Variants in RALB observed in about 807,000 individuals in gnomAD.
RALB encodes the protein RAS like proto-oncogene B.
RALB carries 16 observed loss-of-function variants against 21.3 expected under a neutral mutation model. That is an observed-to-expected ratio of 0.75 (90% CI 0.51 to 1.14). The LOEUF (loss-of-function observed/expected upper bound fraction) is 1.14. RALB is among the 50% of genes most tolerant of loss of function. RALB has a pLI of 0.00. For missense variants in RALB, 161 were observed against 256.2 expected (o/e 0.63, Z 2.54); for synonymous variants, 93 against 96.1 (o/e 0.97, Z 0.19).
chr2:120,251,059 G>A (rs933065356), upstream of RALB, among the ~76,000 whole-genome samples: 15 of 152,216 alleles, frequency 9.9e-5, no homozygotes, highest in African/African-American at 3.6e-4. Context: ...AGAAAAGGTG[G>A]GGAAACCTCC....
At chr2:120,253,527 C>T (rs768522969) in intron 1 of RALB, 2 of 985,468 alleles carry the variant, frequency 2.0e-6, no homozygotes, top group Non-Finnish European at 2.4e-6. Flanking sequence ...TGATAGGGGC[C>T]AGCGGCGAAG....
chr2:120,272,105 G>A (rs557826848), intron 1 of RALB, among the ~76,000 whole-genome samples: 80 of 152,292 alleles, frequency 5.3e-4, no homozygotes, highest in African/African-American at 1.9e-3. Context: ...GCACCAGCAT[G>A]GTTGGGTTCT....
intron 1 of RALB, among the ~76,000 whole-genome samples, chr2:120,277,825 G>A (rs563606323): frequency 1.4e-5 from 2 of 142,990 alleles, no homozygotes; most frequent in African/African-American, 5.3e-5. Context: ...GAGCAAGTGT[G>A]TGAATATGTG....
rs758735324 is a variant in RALB, at chr2:120,286,112, C to T, written c.323+30C>T. The T allele has an allele frequency of 1.9e-6, 3 of 1,604,374 alleles. No homozygotes were observed. The African/African-American group carries it at 4.0e-5, about 22-fold the overall frequency. ...GTCTGAAATGAAATAGCAGAAGCCC[C>T]CAGGAAGCTTTTTGCCTTTTCTCAT... On this transcript the variant is annotated intron_variant, in intron 3 of 4. Transcript: ENST00000272519.
intron 1 of RALB, among the ~76,000 whole-genome samples, chr2:120,262,207 G>A (rs72956876): frequency 0.017 from 2,627 of 152,270 alleles, 81 homozygotes; most frequent in African/African-American, 0.06. Context: ...TCAAAGGTAT[G>A]GGGGCTTTTG....
chr2:120,287,959 T>C (rs1690206231), intron 3 of RALB, among the ~76,000 whole-genome samples: 1 of 152,222 alleles, frequency 6.6e-6, no homozygotes, highest in East Asian at 1.9e-4. Flanking sequence ...TGTACTATCT[T>C]CCAAATAGAA....
At chr2:120,277,973 G>A (rs1168296413) in intron 1 of RALB, among the ~76,000 whole-genome samples, 2 of 151,160 alleles carry the variant, frequency 1.3e-5, no homozygotes, top group South Asian at 4.2e-4. Context: ...GAATGTGTGT[G>A]AATAAGAGCA....
At chr2:120,278,980 C>T (rs1291118703) in intron 2 of RALB, among the ~76,000 whole-genome samples, 3 of 152,174 alleles carry the variant, frequency 2.0e-5, no homozygotes, top group East Asian at 3.8e-4. Flanking sequence ...ATTTCAACTC[C>T]GGCGGGGATG....
In RALB at chr2:120,294,005, T is replaced by C. The variant is rs1690367023; in HGVS notation, c.*745T>C. Reference sequence around the variant, plus strand: ...ACCAAGTGAAGACTCAGGAATGGTGTGCATTATAAATGACACACATTGCCA... The same window carrying C: ...ACCAAGTGAAGACTCAGGAATGGTGCGCATTATAAATGACACACATTGCCA... On this transcript the variant is annotated 3_prime_UTR_variant, in exon 5 of 5. Coordinates refer to ENST00000272519, the MANE Select transcript of RALB (RefSeq NM_002881.3). 1.5e-5 allele frequency: 6 copies of C among 397,270 alleles called. No individual in the cohort carries two copies. Among genetic ancestry groups the C allele is most frequent in the Non-Finnish European group, 8.9e-6 (2 of 225,802 alleles). 24.6% of individuals were successfully genotyped at this position (397,270 alleles called of 1,614,324 possible). A position where few individuals can be genotyped will look rare whatever the true frequency, so the allele number is the denominator to read the frequency against.
At chr2:120,241,296 G>A (rs1045576983) in intron 1 of RALB, among the ~76,000 whole-genome samples, 1 of 152,234 alleles carries the variant, frequency 6.6e-6, no homozygotes, top group East Asian at 1.9e-4. Context: ...CCTCCTAGGA[G>A]CCAGAAAGCT....
rs1040931973 is a variant in RALB, at chr2:120,253,707, G to T, written c.-48+727G>T. On this transcript the variant is annotated intron_variant, in intron 1 of 4. Transcript: ENST00000272519. ...TCTGTGCTCATTTCCAACGAGAAACGTTGGAACTTTGGTGTTCTTATCAGG... is the reference window on the plus strand; with the variant it reads ...TCTGTGCTCATTTCCAACGAGAAACTTTGGAACTTTGGTGTTCTTATCAGG... 1.0e-4 allele frequency: 103 copies of T among 985,398 alleles called. No homozygotes were observed. The African/African-American group carries it at 1.6e-3, about 15-fold the overall frequency. The allele number at this position is 985,398 out of a possible 1,614,324, so 61.0% of individuals were successfully genotyped here.
At chr2:120,248,758 C>T (rs186981421), upstream of RALB, among the ~76,000 whole-genome samples, 33 of 152,236 alleles carry the variant, frequency 2.2e-4, 3 homozygotes, top group East Asian at 2.5e-3. Context: ...GCTCAGCCTC[C>T]GCCTCCTGGA....
chr2:120,249,342 C>T (rs577597144), upstream of RALB, among the ~76,000 whole-genome samples: 104 of 152,234 alleles, frequency 6.8e-4, no homozygotes, highest in Non-Finnish European at 1.3e-3. Context: ...CGTGTTAGTC[C>T]ATTTTGTGTT....
chr2:120,277,442 A>G (rs1689833878), intron 1 of RALB, among the ~76,000 whole-genome samples: 1 of 139,506 alleles, frequency 7.2e-6, no homozygotes, highest in African/African-American at 2.7e-5. Flanking sequence ...TGAGCCTGTG[A>G]TATGAGCATG....
intron 1 of RALB, among the ~76,000 whole-genome samples, chr2:120,259,484 G>T (rs1236068846): frequency 1.3e-5 from 2 of 152,168 alleles, no homozygotes; most frequent in Non-Finnish European, 2.9e-5. Flanking sequence ...TAAACACAGG[G>T]TGCTGATTGG....
intron 1 of RALB, among the ~76,000 whole-genome samples, chr2:120,276,569 C>T (rs1195885302): frequency 6.6e-6 from 1 of 151,766 alleles, no homozygotes; most frequent in Admixed American, 6.6e-5. Context: ...TTCCATTGCA[C>T]TCCAGCCTGG....
intron 4 of RALB, among the ~76,000 whole-genome samples, chr2:120,290,258 G>T (rs906332071): frequency 3.3e-5 from 5 of 152,120 alleles, no homozygotes; most frequent in Non-Finnish European, 5.9e-5. Context: ...CAAAGTGCTG[G>T]GATTACAGGT....
At position 120,268,663 on chromosome 2, in the gene RALB, G is replaced by T. The variant is rs558387350; in HGVS notation, c.-47-9955G>T. On this transcript the variant is annotated intron_variant, in intron 1 of 4. Coordinates refer to ENST00000272519, the MANE Select transcript of RALB (RefSeq NM_002881.3). Reference sequence around the variant, plus strand: ...CACTGCAGCCTAGGTGACAGAGCAAGAACCTATCCTAAAATAAATAATTAA... The same window carrying T: ...CACTGCAGCCTAGGTGACAGAGCAATAACCTATCCTAAAATAAATAATTAA... 2.0e-5 allele frequency among the ~76,000 whole-genome samples: 3 copies of T among 152,246 alleles called. No homozygotes were observed. The South Asian group carries it at 6.2e-4, about 32-fold the overall frequency.
intron 2 of RALB, among the ~76,000 whole-genome samples, chr2:120,279,022 T>C (rs77278379): frequency 0.025 from 3,831 of 152,302 alleles, 73 homozygotes; most frequent in Middle Eastern, 0.051. Flanking sequence ...GTTTCCATTG[T>C]TATACTTCGA....
Sources: gnomAD v4.1 joint callset for allele counts (sites outside exome capture counted in the v4.1 genomes callset) on GRCh38, gnomAD v4.1.1 for gene constraint, MANE v1.5 for transcripts, NCBI Gene and HGNC (gene_info 2026-07-23, HGNC 2026-07-21) for gene names.